MTMR2: variants seen among roughly 807,000 people sequenced by gnomAD.
The protein encoded by MTMR2 is phosphatidylinositol-3,5-bisphosphate 3-phosphatase MTMR2.
Under a neutral mutation model 86.9 loss-of-function variants are expected in MTMR2, and 55 were observed. That is an observed-to-expected ratio of 0.63 (90% CI 0.51 to 0.79). MTMR2 has a LOEUF of 0.79. Among genes scored for constraint, MTMR2 ranks in the 30% least tolerant of loss-of-function variants. The probability of loss-of-function intolerance (pLI) is 0.00; values close to 1 mark genes in which losing one functional copy is unlikely to be tolerated. For synonymous variants in MTMR2, 241 were observed against 266.8 expected (o/e 0.90, Z 0.94); for missense variants, 659 against 772.3 (o/e 0.85, Z 1.74).
At chr11:95,898,527 C>CAA (rs929671738) in intron 1 of MTMR2, among the ~76,000 whole-genome samples, 1 of 151,686 alleles carries the variant, frequency 6.6e-6, no homozygotes, top group Non-Finnish European at 1.5e-5. Flanking sequence ...CACACACACA[C>CAA]AAAAAAACAC....
intron 2 of MTMR2, among the ~76,000 whole-genome samples, chr11:95,872,745 T>A (rs1351573296): frequency 1.3e-5 from 2 of 152,188 alleles, no homozygotes; most frequent in Admixed American, 1.3e-4. Flanking sequence ...ATACTGGCTG[T>A]GGGTTTGTCA....
chr11:95,888,708 TACACACACACATACACAC>T (rs149649949), intron 1 of MTMR2, among the ~76,000 whole-genome samples: 10,093 of 145,968 alleles, frequency 0.069, 996 homozygotes, highest in African/African-American at 0.24. Context: ...TAGAAACACA[TACACACACACATACACAC>T]ACACACACAC....
intron 2 of MTMR2, among the ~76,000 whole-genome samples, chr11:95,878,587 CATATTATTCTATAT>C (rs977124205): frequency 2.0e-5 from 3 of 152,082 alleles, no homozygotes; most frequent in African/African-American, 7.2e-5. Context: ...TAAAGGGTAA[CATATTATTCTATAT>C]ATCAGCTAAG....
At chr11:95,915,661 C>T (rs1866670130) in intron 1 of MTMR2, among the ~76,000 whole-genome samples, 1 of 152,130 alleles carries the variant, frequency 6.6e-6, no homozygotes, top group Non-Finnish European at 1.5e-5. Flanking sequence ...ATGGAAACCA[C>T]ATCCTTACAA....
chr11:95,841,777 T>TA, intron 11 of MTMR2, 68 bp from the exon 12 acceptor site: 1 of 1,300,108 alleles, frequency 7.7e-7, no homozygotes, highest in Non-Finnish European at 1.1e-6. Flanking sequence ...AATAATTTTT[T>TA]AAAAAAATAA....
At chr11:95,845,195 C>T in intron 10 of MTMR2, 36 bp from the exon 11 acceptor site, 2 of 1,536,874 alleles carry the variant, frequency 1.3e-6, no homozygotes, top group Non-Finnish European at 1.8e-6. Flanking sequence ...TGTTTTTAAA[C>T]AAGGTAAATA....
chr11:95,920,660 G>A (rs1866886771), intron 1 of MTMR2, among the ~76,000 whole-genome samples: 1 of 151,902 alleles, frequency 6.6e-6, no homozygotes, highest in Non-Finnish European at 1.5e-5. Flanking sequence ...CAGATACTTA[G>A]TAAGACTCAT....
At chr11:95,891,556 T>C (rs1865714718) in intron 1 of MTMR2, among the ~76,000 whole-genome samples, 1 of 152,152 alleles carries the variant, frequency 6.6e-6, no homozygotes, top group African/African-American at 2.4e-5. Flanking sequence ...TACTGCAACT[T>C]ATACTTTGCA....
intron 11 of MTMR2, among the ~76,000 whole-genome samples, chr11:95,843,352 CA>C (rs1863631359): frequency 6.6e-6 from 1 of 152,016 alleles, no homozygotes; most frequent in Admixed American, 6.6e-5. Context: ...TCCAAATAAC[CA>C]ATATGTGATG....
At chr11:95,899,972 G>A (rs545242314) in intron 1 of MTMR2, among the ~76,000 whole-genome samples, 1 of 152,252 alleles carries the variant, frequency 6.6e-6, no homozygotes, top group East Asian at 1.9e-4. Flanking sequence ...AGTTCTATGT[G>A]CAGAGACATT....
intron 7 of MTMR2, among the ~76,000 whole-genome samples, chr11:95,856,805 T>G (rs1166605233): frequency 1.3e-5 from 2 of 151,998 alleles, no homozygotes; most frequent in Non-Finnish European, 2.9e-5. Context: ...TCTCAAAGAG[T>G]AGTCCTCATT....
At chr11:95,878,217 A>G (rs1384977198) in intron 2 of MTMR2, among the ~76,000 whole-genome samples, 1 of 148,652 alleles carries the variant, frequency 6.7e-6, no homozygotes, top group African/African-American at 2.5e-5. Flanking sequence ...GATGATTCTA[A>G]CTACATGACA....
intron 1 of MTMR2, among the ~76,000 whole-genome samples, chr11:95,894,193 C>T (rs140785066): frequency 6.6e-6 from 1 of 152,226 alleles, no homozygotes; most frequent in African/African-American, 2.4e-5. Context: ...CCTCTTTGTC[C>T]CATCTATCTT....
At position 95,835,081 on chromosome 11, in the gene MTMR2, TATC is replaced by T. The variant is rs1231932576; in HGVS notation, c.*206_*208del. The T allele has an allele frequency of 8.0e-5, 46 of 573,720 alleles. No homozygotes were observed. The highest frequency in any genetic ancestry group is 1.4e-4 in the Non-Finnish European group (45 of 321,314). 35.5% of individuals were successfully genotyped at this position (573,720 alleles called of 1,614,324 possible). A position where few individuals can be genotyped will look rare whatever the true frequency, so the allele number is the denominator to read the frequency against. On this transcript the variant is annotated 3_prime_UTR_variant, in exon 15 of 15. Transcript: ENST00000346299. ...ATTCTTTGGATACTTAAAAGATTAGTATCATAATCATGTAATTACATATGGAGT... is the reference window on the plus strand; with the variant it reads ...ATTCTTTGGATACTTAAAAGATTAGTATAATCATGTAATTACATATGGAGT...
At chr11:95,911,482 G>C (rs1866503531) in intron 1 of MTMR2, among the ~76,000 whole-genome samples, 1 of 152,050 alleles carries the variant, frequency 6.6e-6, no homozygotes. Flanking sequence ...GGGAGACAGG[G>C]GTGAGGACTG....
chr11:95,839,482 T>G (rs1364427784), intron 12 of MTMR2, among the ~76,000 whole-genome samples: 1 of 152,116 alleles, frequency 6.6e-6, no homozygotes, highest in African/African-American at 2.4e-5. Flanking sequence ...GTTAGCTCAG[T>G]TATGAGAAGA....
At chr11:95,864,782 A>G (rs1864546314) in intron 3 of MTMR2, among the ~76,000 whole-genome samples, 1 of 152,182 alleles carries the variant, frequency 6.6e-6, no homozygotes, top group Non-Finnish European at 1.5e-5. Flanking sequence ...ATCCATTTAG[A>G]ATACAGGTCC....
In MTMR2 at chr11:95,888,187, G is replaced by A. The variant is rs2135548901; in HGVS notation, c.155C>T (p.Thr52Ile). Residue 52 changes from threonine to isoleucine, a missense_variant, in exon 2 of 15, where the codon ACT becomes ATT. By Grantham distance (89) the Thr-to-Ile change is moderately conservative (BLOSUM62 -1). Around this residue, in one of 3 missense-constraint regions of MTMR2, gnomAD observed 387 missense variants for 526.3 expected, o/e 0.74. Coordinates refer to ENST00000346299, the MANE Select transcript of MTMR2 (RefSeq NM_016156.6). ...ATCAGGAGAAAAGTTGTCGGCAGAA[G>A]TTGAAATGGAATCTGATGATACAAC... is the stretch of plus-strand genomic sequence containing the variant. ...ASVVSSDSIS[T>I]SADNFSPDLR... 1.2e-6 allele frequency: 2 copies of A among 1,613,430 alleles called. No homozygotes were observed. Among genetic ancestry groups the A allele is most frequent in the African/African-American group, 1.3e-5 (1 of 75,010 alleles).
rs1295963932 is a variant in MTMR2 at position 95,918,042 on chromosome 11, A to G, written c.80+5833T>C. On this transcript the variant is annotated intron_variant, in intron 1 of 14. Transcript: ENST00000346299. ...AATTTCCTAGAAATCAAATCTAATAAATCGACAAGAGATGACTTTTACCTT... is the reference window on the plus strand; with the variant it reads ...AATTTCCTAGAAATCAAATCTAATAGATCGACAAGAGATGACTTTTACCTT... Among the ~76,000 whole-genome samples, 3 of 152,208 alleles carry G rather than the reference A, an allele frequency of 2.0e-5. No individual in the cohort carries two copies. In the East Asian group the frequency reaches 5.8e-4, roughly 29 times the overall value.
Sources: allele counts gnomAD v4.1 joint callset (sites outside exome capture counted in the v4.1 genomes callset), GRCh38; gene constraint gnomAD v4.1.1; regional missense constraint gnomAD v4.1.1; transcripts MANE v1.5; gene names NCBI Gene and HGNC (gene_info 2026-07-23, HGNC 2026-07-21).